HTR2B: variants seen among roughly 807,000 people sequenced by gnomAD.
The protein encoded by HTR2B is 5-HT 2B receptor.
Under a neutral mutation model 39.8 loss-of-function variants are expected in HTR2B, and 31 were observed. The observed-to-expected ratio is 0.78, with a 90% CI of 0.58 to 1.05. The LOEUF (loss-of-function observed/expected upper bound fraction) is 1.05, where lower values mean the gene tolerates loss of function less well. Ranked by LOEUF, HTR2B falls within the 50% of genes least tolerant of loss-of-function variation. HTR2B has a pLI of 0.00. For missense variants in HTR2B, 562 were observed against 578.0 expected, an observed-to-expected ratio of 0.97 and a Z score of 0.28; for synonymous variants, 210 against 207.1, an observed-to-expected ratio of 1.01 and a Z score of -0.12.
In HTR2B at chr2:231,109,207, T is replaced by A; in HGVS notation, c.756A>T (p.Lys252Asn). 1 of 1,614,192 alleles carries A rather than the reference T, an allele frequency of 6.2e-7. No individual in the cohort carries two copies. Among genetic ancestry groups the A allele is most frequent in the Non-Finnish European group, 8.5e-7 (1 of 1,180,032 alleles). The change falls in exon 4 of 4, where the codon AAA (lysine) becomes AAT (asparagine). Residue 252 changes from lysine to asparagine, a missense_variant. Transcript: ENST00000258400. The part of the protein sequence containing the change: ...HALQKKAYLV[K>N]NKPPQRLTWL... ...ATGTTAGGCGTTGAGGTGGCTTGTTTTTGACTAAGTAAGCCTTCTTCTGTA... is the reference window on the plus strand; with the variant it reads ...ATGTTAGGCGTTGAGGTGGCTTGTTATTGACTAAGTAAGCCTTCTTCTGTA...
chr2:231,118,604 C>G (rs1210713613), intron 2 of HTR2B, among the ~76,000 whole-genome samples: 1 of 151,994 alleles, frequency 6.6e-6, no homozygotes, highest in Non-Finnish European at 1.5e-5. Context: ...TTTTTGCTTT[C>G]TTTTGAATTA....
chr2:231,112,331 C>T (rs539027346), intron 3 of HTR2B, among the ~76,000 whole-genome samples: 1 of 152,366 alleles, frequency 6.6e-6, no homozygotes, highest in East Asian at 1.9e-4. Flanking sequence ...TGGTTCTGCT[C>T]TGTCGGCATC....
At position 231,123,991 on chromosome 2, in the gene HTR2B, C is replaced by T. The variant is rs181258163; in HGVS notation, c.-227G>A. The T allele has an allele frequency of 8.7e-4, 436 of 501,078 alleles. 1 individual carries two copies. Among genetic ancestry groups the T allele is most frequent in the African/African-American group, 7.6e-3 (393 of 51,998 alleles). The allele number at this position is 501,078 out of a possible 1,614,324, so 31.0% of individuals were successfully genotyped here. A position where few individuals can be genotyped will look rare whatever the true frequency, so the allele number is the denominator to read the frequency against. ...CCAAGTATTTATTATTTTCTAGAGG[C>T]TTAAATTTAGGAAAGCTCAGTGAAA... On this transcript the variant is annotated 5_prime_UTR_variant, in exon 2 of 4. Transcript: ENST00000258400.
At chr2:231,118,783 T>C (rs780594321) in intron 2 of HTR2B, among the ~76,000 whole-genome samples, 8 of 152,198 alleles carry the variant, frequency 5.3e-5, no homozygotes, top group Non-Finnish European at 8.8e-5. Context: ...ACATAAAATG[T>C]TTCCCTTTGG....
intron 3 of HTR2B, among the ~76,000 whole-genome samples, chr2:231,110,911 G>A (rs1695137494): frequency 6.6e-6 from 1 of 152,296 alleles, no homozygotes; most frequent in East Asian, 1.9e-4. Context: ...ACCCTTTATA[G>A]AAAAAGTTTG....
chr2:231,109,303 A>G lies in HTR2B; in HGVS notation c.660T>C (p.Phe220=). 1.2e-6 allele frequency: 2 copies of G among 1,614,160 alleles called. No individual in the cohort carries two copies. Among genetic ancestry groups the G allele is most frequent in the South Asian group, 2.2e-5 (2 of 91,076 alleles). The part of the protein sequence containing the change: ...TKERFGDFML[F]GSLAAFFTPL... ...GTGTGAAGAAGGCAGCCAGTGAGCC[A>G]AAGAGCATGAAATCGCCAAAACGTT... The change falls in exon 4 of 4, where the codon TTT becomes TTC. Residue 220 remains phenylalanine (F), a synonymous_variant. Coordinates refer to ENST00000258400, the MANE Select transcript of HTR2B (RefSeq NM_000867.5).
At chr2:231,115,478 G>C (rs570819136) in intron 2 of HTR2B, among the ~76,000 whole-genome samples, 1 of 152,196 alleles carries the variant, frequency 6.6e-6, no homozygotes, top group South Asian at 2.1e-4. Flanking sequence ...ATAAATGATT[G>C]GGACTTAGTT....
intron 3 of HTR2B, among the ~76,000 whole-genome samples, chr2:231,109,988 A>G (rs1402676939): frequency 6.6e-6 from 1 of 152,198 alleles, no homozygotes; most frequent in East Asian, 1.9e-4. Context: ...TGTGTGAATC[A>G]TGATGTTGAA....
intron 2 of HTR2B, among the ~76,000 whole-genome samples, chr2:231,118,583 T>C (rs954784911): frequency 1.3e-5 from 2 of 152,158 alleles, no homozygotes; most frequent in Non-Finnish European, 2.9e-5. Flanking sequence ...GTTTGGGTAT[T>C]TTTTTGTTTG....
In HTR2B at chr2:231,124,097, G is replaced by A. The variant is rs868585813; in HGVS notation, c.-333C>T. On this transcript the variant is annotated 5_prime_UTR_variant, in exon 2 of 4. Transcript: ENST00000258400. ...TCTCTTTTTCTGCCGTAGTTGTAGAGTCGTGTTTGAACTTGCATGCCAGAG... is the reference window on the plus strand; with the variant it reads ...TCTCTTTTTCTGCCGTAGTTGTAGAATCGTGTTTGAACTTGCATGCCAGAG... 4 of 272,894 alleles carry A rather than the reference G, an allele frequency of 1.5e-5. No individual in the cohort carries two copies. The highest frequency in any genetic ancestry group is 4.8e-5 in the Admixed American group (1 of 20,926). 16.9% of individuals were successfully genotyped at this position (272,894 alleles called of 1,614,324 possible). A position where few individuals can be genotyped will look rare whatever the true frequency, so the allele number is the denominator to read the frequency against.
In HTR2B at chr2:231,109,376, T is replaced by G; in HGVS notation, c.587A>C (p.Glu196Ala). ...IAIPVPIKGI[E>A]TDVDNPNNIT... is the part of the protein sequence containing the mutation. ...ATTGTTTGGGTTGTCCACATCAGTC[T>G]CTATCCCTTTAATAGGGACTGGAAT... The change falls in exon 4 of 4, where the codon GAG becomes GCG. Residue 196 changes from glutamate to alanine, a missense_variant. Glu to Ala is a moderately radical substitution (Grantham distance 107, BLOSUM62 -1). Coordinates refer to ENST00000258400, the MANE Select transcript of HTR2B (RefSeq NM_000867.5). The G allele has an allele frequency of 6.2e-7, 1 of 1,614,130 alleles. No homozygotes were observed. The highest frequency in any genetic ancestry group is 8.5e-7 in the Non-Finnish European group (1 of 1,179,978).
At chr2:231,120,843 A>T (rs772152589) in intron 2 of HTR2B, among the ~76,000 whole-genome samples, 26 of 152,234 alleles carry the variant, frequency 1.7e-4, no homozygotes, top group Non-Finnish European at 2.2e-4. Flanking sequence ...AGTCCTAAAG[A>T]TTAACACTAC....
chr2:231,109,463 C>A (rs142505353), intron 3 of HTR2B, 54 bp from the exon 4 acceptor site: 2 of 1,427,962 alleles, frequency 1.4e-6, no homozygotes, highest in Non-Finnish European at 2.0e-6. Flanking sequence ...TGTAACTCTT[C>A]GATTAGATCC....
chr2:231,114,049 T>C, intron 2 of HTR2B, 120 bp from the exon 3 acceptor site: 3 of 763,454 alleles, frequency 3.9e-6, no homozygotes, highest in Non-Finnish European at 6.9e-6. Flanking sequence ...TTTATAACTT[T>C]AACAACATAA....
intron 2 of HTR2B, among the ~76,000 whole-genome samples, chr2:231,115,576 T>A (rs879504326): frequency 3.3e-5 from 5 of 152,080 alleles, no homozygotes; most frequent in Non-Finnish European, 5.9e-5. Context: ...TAAATAAACT[T>A]TGCCTGCTTG....
chr2:231,116,572 C>G (rs914224485), intron 2 of HTR2B, among the ~76,000 whole-genome samples: 1 of 151,896 alleles, frequency 6.6e-6, no homozygotes, highest in Non-Finnish European at 1.5e-5. Flanking sequence ...TAAGAAAATT[C>G]ATATAAAAAG....
chr2:231,123,333 A>G, intron 2 of HTR2B, 80 bp downstream of exon 2: 2 of 1,031,634 alleles, frequency 1.9e-6, no homozygotes, highest in Non-Finnish European at 3.1e-6. Flanking sequence ...CAAGAAAAGT[A>G]AAGATTAAAT....
intron 3 of HTR2B, among the ~76,000 whole-genome samples, chr2:231,110,813 T>C (rs1266456669): frequency 6.6e-6 from 1 of 152,270 alleles, no homozygotes; most frequent in African/African-American, 2.4e-5. Flanking sequence ...ACATATTGTC[T>C]GTGGCTGCTT....
intron 2 of HTR2B, among the ~76,000 whole-genome samples, chr2:231,118,058 CACTT>C (rs1224114665): frequency 6.6e-6 from 1 of 151,548 alleles, no homozygotes; most frequent in Admixed American, 6.5e-5. Context: ...ATGTCTCTGC[CACTT>C]ACTTTGTAAT....
Sources: allele counts gnomAD v4.1 joint callset (sites outside exome capture counted in the v4.1 genomes callset), GRCh38; gene constraint gnomAD v4.1.1; transcripts MANE v1.5; gene names NCBI Gene and HGNC (gene_info 2026-07-23, HGNC 2026-07-21).